The following USP22 variants were observed in gnomAD, a reference collection of about 807,000 sequenced individuals.
USP22 encodes ubiquitin specific peptidase 22.
A neutral mutation model predicts 68.1 loss-of-function variants in USP22; 22 were observed. The observed-to-expected ratio is 0.32, with a 90% CI of 0.23 to 0.46. The LOEUF (loss-of-function observed/expected upper bound fraction) is 0.46, where lower values mean the gene tolerates loss of function less well. Among genes scored for constraint, USP22 ranks in the 20% least tolerant of loss-of-function variants. The pLI, the probability that USP22 is intolerant of heterozygous loss-of-function variation, is 1.00. For missense variants in USP22, 433 were observed against 695.8 expected (o/e 0.62, Z 4.25); for synonymous variants, 279 against 274.2 (o/e 1.02, Z -0.17).
chr17:21,027,243 G>A (rs535974741), intron 2 of USP22, among the ~76,000 whole-genome samples: 103 of 130,486 alleles, frequency 7.9e-4, no homozygotes, highest in South Asian at 1.9e-3. Context: ...AGCCATGACC[G>A]CGCCACTGCA....
At chr17:21,008,615 T>C (rs1402137128) in intron 8 of USP22, among the ~76,000 whole-genome samples, 5 of 151,892 alleles carry the variant, frequency 3.3e-5, no homozygotes, top group African/African-American at 1.2e-4. Context: ...GAGTGGGTGG[T>C]GAGGGAGGAG....
intron 2 of USP22, among the ~76,000 whole-genome samples, chr17:21,027,967 C>CA (rs900943455): frequency 9.3e-5 from 14 of 151,284 alleles, no homozygotes; most frequent in Non-Finnish European, 1.9e-4. Flanking sequence ...GACTCCATCT[C>CA]AAAAAAAAGA....
At position 21,004,188 on chromosome 17, in the gene USP22, C is replaced by A; in HGVS notation, c.1535+14G>T. On this transcript the variant is annotated intron_variant, in intron 12 of 12. Coordinates refer to ENST00000261497, the MANE Select transcript of USP22 (RefSeq NM_015276.2). ...AGCCACCGTAGGGCCTTCCTCCCAC[C>A]CCACAGGACGCACCCTTCGCTGTCC... The A allele has an allele frequency of 6.2e-7, 1 of 1,612,224 alleles. No individual in the cohort carries two copies. Among genetic ancestry groups the A allele is most frequent in the South Asian group, 1.1e-5 (1 of 91,016 alleles).
rs1395191549 is a variant in USP22, at chr17:21,042,651, G to A, written c.171+14C>T. The A allele has an allele frequency of 7.9e-7, 1 of 1,261,322 alleles. No individual in the cohort carries two copies. 78.1% of individuals were successfully genotyped at this position (1,261,322 alleles called of 1,614,324 possible). On this transcript the variant is annotated intron_variant, in intron 1 of 12. Transcript: ENST00000261497. ...AGGCCCCGAGCCCGCCGCGCGGTGG[G>A]CTGCCGGGCGCACCTTGCGCTTGCG...
chr17:21,036,335 G>T (rs940545707), intron 1 of USP22, among the ~76,000 whole-genome samples: 5 of 152,050 alleles, frequency 3.3e-5, no homozygotes, highest in African/African-American at 7.2e-5. Context: ...TAATATATGC[G>T]ATTTTAAAAA....
intron 2 of USP22, among the ~76,000 whole-genome samples, chr17:21,023,998 T>A (rs891189912): frequency 9.9e-5 from 15 of 152,206 alleles, no homozygotes; most frequent in African/African-American, 3.6e-4. Context: ...TTGTGGTAAA[T>A]CTTTGAAGTC....
chr17:21,007,829 AACTAAGT>A, intron 9 of USP22, 34 bp downstream of exon 9: 1 of 1,613,856 alleles, frequency 6.2e-7, no homozygotes, highest in Non-Finnish European at 8.5e-7. Flanking sequence ...GTGGACTAAA[AACTAAGT>A]CTGCCATTAG....
chr17:21,042,473 G>A (rs561085916), intron 1 of USP22, among the ~76,000 whole-genome samples, 192 bp downstream of exon 1: 1 of 139,580 alleles, frequency 7.2e-6, no homozygotes, highest in Non-Finnish European at 1.6e-5. Context: ...TAAGGGAAGG[G>A]AGAGAGTTGA....
rs371246870 is a variant in USP22, at chr17:21,002,991, A to G, written c.*40T>C. The G allele has an allele frequency of 5.2e-5, 84 of 1,611,164 alleles. No homozygotes were observed. Among genetic ancestry groups the G allele is most frequent in the Non-Finnish European group, 6.9e-5 (81 of 1,178,582 alleles). ...GGAGGATCACTTTGTGAGGCTTGCC[A>G]ATGCATTGCCTTTGTTTTTCTGACC... On this transcript the variant is annotated 3_prime_UTR_variant, in exon 13 of 13. Coordinates refer to ENST00000261497, the MANE Select transcript of USP22 (RefSeq NM_015276.2).
intron 7 of USP22, chr17:21,011,646 C>T (rs1302003619): frequency 2.1e-5 from 6 of 291,718 alleles, no homozygotes; most frequent in Non-Finnish European, 3.3e-5. Context: ...ACAGGTCTAT[C>T]TCAGCTGCAT....
At chr17:21,017,835 A>C (rs557772752) in intron 5 of USP22, 107 bp downstream of exon 5, 130 of 1,366,472 alleles carry the variant, frequency 9.5e-5, no homozygotes, top group Non-Finnish European at 1.2e-4. Flanking sequence ...CTTACTACAA[A>C]AGGTTCTAAA....
Position 21,006,826 on chromosome 17 carries a change from C to G in USP22, c.1322+70G>C, listed in dbSNP as rs530953676. ...CCAACAGTCATCTTAATAGGAGCTC[C>G]GAGCTGGATTCCTGTCCTGATAGGA... On this transcript the variant is annotated intron_variant, in intron 10 of 12. Transcript: ENST00000261497. 87 of 1,310,140 alleles carry G rather than the reference C, an allele frequency of 6.6e-5. No homozygotes were observed. In the East Asian group the frequency reaches 2.1e-3, roughly 32 times the overall value. 81.2% of individuals were successfully genotyped at this position (1,310,140 alleles called of 1,614,324 possible).
At chr17:21,021,351 C>T in intron 2 of USP22, 125 bp from the exon 3 acceptor site, 2 of 667,732 alleles carry the variant, frequency 3.0e-6, no homozygotes, top group South Asian at 3.4e-5. Flanking sequence ...TTCCTATTCA[C>T]AAGCAGGGAA....
At chr17:21,034,521 T>G (rs952112971) in intron 1 of USP22, among the ~76,000 whole-genome samples, 2 of 152,082 alleles carry the variant, frequency 1.3e-5, no homozygotes, top group African/African-American at 4.8e-5. Context: ...AATAAACAAT[T>G]CATAAGCTTT....
intron 12 of USP22, among the ~76,000 whole-genome samples, chr17:21,003,921 A>G (rs1913684986): frequency 6.6e-6 from 1 of 152,010 alleles, no homozygotes; most frequent in South Asian, 2.1e-4. Flanking sequence ...AAAAAAAAAA[A>G]AAGAACTGAT....
At chr17:21,032,913 A>C (rs1597700676) in intron 1 of USP22, among the ~76,000 whole-genome samples, 5 of 122,366 alleles carry the variant, frequency 4.1e-5, no homozygotes, top group South Asian at 2.7e-4. Context: ...ACAGAACCAG[A>C]CCCTGTCTCA....
intron 8 of USP22, among the ~76,000 whole-genome samples, chr17:21,010,221 C>A (rs1466578980): frequency 6.6e-6 from 1 of 152,162 alleles, no homozygotes. Flanking sequence ...AGACAGAAAC[C>A]AAAGGCTCGT....
rs560515929 is a variant in USP22, at chr17:21,025,821, A to C, written c.304+2721T>G. 6.6e-5 allele frequency among the ~76,000 whole-genome samples: 10 copies of C among 152,278 alleles called. No individual in the cohort carries two copies. In the East Asian group the frequency reaches 7.7e-4, roughly 12 times the overall value. On this transcript the variant is annotated intron_variant, in intron 2 of 12. Transcript: ENST00000261497. The stretch of plus-strand genomic sequence containing the variant: ...CCCACAGAGACAGAAGGTAGATTCA[A>C]GTCACCAAGGGACAGGAGAGAGAGC...
Position 21,000,876 on chromosome 17 carries a change from C to G in USP22, c.*2155G>C, listed in dbSNP as rs954490003. The G allele has an allele frequency of 1.3e-5, 2 of 152,074 alleles. No homozygotes were observed. The highest frequency in any genetic ancestry group is 4.8e-5 in the African/African-American group (2 of 41,384). The allele number at this position is 152,074 out of a possible 1,614,324, so 9.4% of individuals were successfully genotyped here. A position where few individuals can be genotyped will look rare whatever the true frequency, so the allele number is the denominator to read the frequency against. On this transcript the variant is annotated 3_prime_UTR_variant, in exon 13 of 13. Coordinates refer to ENST00000261497, the MANE Select transcript of USP22 (RefSeq NM_015276.2). ...TCAGGAGTTTGAGACATGGTGAAAC[C>G]CCATCTCTACTAAAAATACAAAAAT...
Sources: gnomAD v4.1 joint callset for allele counts (sites outside exome capture counted in the v4.1 genomes callset) on GRCh38, gnomAD v4.1.1 for gene constraint, MANE v1.5 for transcripts, NCBI Gene and HGNC (gene_info 2026-07-23, HGNC 2026-07-21) for gene names.